The following COL21A1 variants were observed in gnomAD, a reference collection of about 807,000 sequenced individuals.
COL21A1 encodes the protein collagen type XXI alpha 1 chain, also known as collagen alpha-1(XXI) chain.
Under a neutral mutation model 137.9 loss-of-function variants are expected in COL21A1, and 149 were observed. The observed-to-expected ratio is 1.08, with a 90% CI of 0.95 to 1.24. The LOEUF (loss-of-function observed/expected upper bound fraction) is 1.24. Among genes scored for constraint, COL21A1 ranks in the 50% most tolerant of loss-of-function variants. COL21A1 has a pLI of 0.00. For missense variants in COL21A1, 1,167 were observed against 1,158.4 expected (o/e 1.01, Z -0.11); for synonymous variants, 456 against 391.5 (o/e 1.16, Z -1.95).
chr6:56,150,897 G>A (rs1775266177), intron 10 of COL21A1, among the ~76,000 whole-genome samples: 1 of 152,172 alleles, frequency 6.6e-6, no homozygotes, highest in African/African-American at 2.4e-5. Flanking sequence ...TGATCAGCTT[G>A]GGCTTTTGCT....
At chr6:56,060,341 G>C (rs1186743401) in intron 27 of COL21A1, 123 bp from the exon 28 acceptor site, 11 of 794,740 alleles carry the variant, frequency 1.4e-5, no homozygotes, top group Non-Finnish European at 2.2e-5. Flanking sequence ...CATATTTCTT[G>C]GCCAATAATT....
chr6:56,218,059 G>T (rs1780601179), intron 1 of COL21A1, among the ~76,000 whole-genome samples: 1 of 152,050 alleles, frequency 6.6e-6, no homozygotes, highest in African/African-American at 2.4e-5. Context: ...GTCCCTAAAT[G>T]AGAAGATTGC....
rs539057837 is a variant in COL21A1, at chr6:56,234,820, C to T, written c.-39+12567G>A. Among the ~76,000 whole-genome samples the T allele has an allele frequency of 2.0e-5, 3 of 151,902 alleles. No individual in the cohort carries two copies. In the East Asian group the frequency reaches 5.8e-4, roughly 30 times the overall value. On this transcript the variant is annotated intron_variant, in intron 1 of 29. Transcript: ENST00000244728. ...TCATCTCTTAAAAGCTATCCTTTCTCCTGATTGGTCATTTTCTTTTGGCCT... is the reference window on the plus strand; with the variant it reads ...TCATCTCTTAAAAGCTATCCTTTCTTCTGATTGGTCATTTTCTTTTGGCCT...
At chr6:56,306,754 C>A (rs997678674) in intron 1 of COL21A1, among the ~76,000 whole-genome samples, 9 of 72,116 alleles carry the variant, frequency 1.2e-4, no homozygotes, top group African/African-American at 2.9e-4. Flanking sequence ...CTCCATCCAG[C>A]TTTGTTCCGT....
intron 1 of COL21A1, among the ~76,000 whole-genome samples, chr6:56,211,073 A>T (rs1006707431): frequency 6.6e-6 from 1 of 150,414 alleles, no homozygotes; most frequent in Non-Finnish European, 1.5e-5. Flanking sequence ...TATAAGCTTT[A>T]TGTAGAATTC....
rs12202183 is a variant in COL21A1 at position 56,123,924 on chromosome 6, G to A, written c.1758+138C>T. On this transcript the variant is annotated intron_variant, in intron 16 of 29. Transcript: ENST00000244728. ...ATTCAGTAGCATTTTTAAATTACAC[G>A]TAAAAAACCTTTTAGCTCATGAATT... 1.8e-3 allele frequency: 1,247 copies of A among 696,084 alleles called. 3 individuals are homozygous for A. Among genetic ancestry groups the A allele is most frequent in the Non-Finnish European group, 2.5e-3 (1,056 of 430,370 alleles). 43.1% of individuals were successfully genotyped at this position (696,084 alleles called of 1,614,324 possible).
intron 1 of COL21A1, among the ~76,000 whole-genome samples, chr6:56,211,706 A>AT (rs999694339): frequency 1.3e-5 from 2 of 151,918 alleles, no homozygotes; most frequent in African/African-American, 2.4e-5. Flanking sequence ...GATTGTCACC[A>AT]TTTTTTTTAA....
intron 1 of COL21A1, among the ~76,000 whole-genome samples, chr6:56,190,643 A>G (rs187003897): frequency 6.8e-4 from 104 of 152,358 alleles, no homozygotes; most frequent in Middle Eastern, 3.4e-3. Flanking sequence ...ACAAAAAAAG[A>G]AAATTTCAGG....
intron 16 of COL21A1, among the ~76,000 whole-genome samples, chr6:56,118,316 A>C (rs577312469): frequency 2.2e-4 from 33 of 152,144 alleles, no homozygotes; most frequent in African/African-American, 7.7e-4. Context: ...ATATGCCAAT[A>C]AATTGGAAAA....
intron 1 of COL21A1, among the ~76,000 whole-genome samples, chr6:56,324,768 G>A (rs1364011776): frequency 3.9e-5 from 6 of 151,908 alleles, no homozygotes; most frequent in Non-Finnish European, 8.8e-5. Flanking sequence ...TTGAAACTTG[G>A]CACATTGATA....
intron 1 of COL21A1, among the ~76,000 whole-genome samples, chr6:56,222,708 A>G (rs1352076262): frequency 6.6e-6 from 1 of 152,062 alleles, no homozygotes; most frequent in East Asian, 1.9e-4. Context: ...TGTGGCTTTC[A>G]GCCTAGAGGA....
Position 56,098,608 on chromosome 6 carries a change from TATATATAA to T in COL21A1, c.1812+2856_1812+2863del, listed in dbSNP as rs1770027227. 2.9e-3 allele frequency among the ~76,000 whole-genome samples: 30 copies of T among 10,180 alleles called. 5 individuals are homozygous for T. The highest frequency in any genetic ancestry group is 9.9e-3 in the African/African-American group (30 of 3,026). 6.7% of individuals were successfully genotyped at this position (10,180 alleles called of 152,430 possible). A position where few individuals can be genotyped will look rare whatever the true frequency, so the allele number is the denominator to read the frequency against. On this transcript the variant is annotated intron_variant, in intron 17 of 29. Coordinates refer to ENST00000244728, the MANE Select transcript of COL21A1 (RefSeq NM_030820.4). Reference sequence around the variant, plus strand: ...ATAAATATATAAATATATATATAAATATATATAAATATATATAAATATATATATAAATA... The same window carrying T: ...ATAAATATATAAATATATATATAAATATATATATAAATATATATATAAATA...
chr6:56,354,813 C>T (rs914244542), intron 1 of COL21A1, among the ~76,000 whole-genome samples: 1 of 152,100 alleles, frequency 6.6e-6, no homozygotes, highest in Non-Finnish European at 1.5e-5. Context: ...GAACTGTGAT[C>T]GCACCACTGC....
At chr6:56,064,057 G>GC (rs1766029552) in intron 24 of COL21A1, among the ~76,000 whole-genome samples, 1 of 152,094 alleles carries the variant, frequency 6.6e-6, no homozygotes, top group Non-Finnish European at 1.5e-5. Context: ...GTTTAGTCAA[G>GC]AAAGAAGCAA....
rs975965059 is a variant in COL21A1, at chr6:56,160,295, C to A, written c.1372-3346G>T. Among the ~76,000 whole-genome samples, 25 of 152,186 alleles carry A rather than the reference C, an allele frequency of 1.6e-4. 1 individual carries two copies. On this transcript the variant is annotated intron_variant, in intron 9 of 29. Transcript: ENST00000244728. ...TGAGTTAGCGAATTCTCGTAATAAT[C>A]CTATGAAGCAGATACTTTTATTATT...
chr6:56,164,903 C>G, intron 7 of COL21A1, 81 bp from the exon 8 acceptor site: 5 of 1,089,832 alleles, frequency 4.6e-6, no homozygotes, highest in Non-Finnish European at 6.5e-6. Flanking sequence ...AGATATTTCA[C>G]CATCCAGATT....
intron 24 of COL21A1, among the ~76,000 whole-genome samples, chr6:56,062,548 G>A (rs1439365724): frequency 3.9e-5 from 6 of 152,244 alleles, no homozygotes; most frequent in Non-Finnish European, 2.9e-5. Context: ...TAAAAAATCA[G>A]TGTTCTGCAA....
intron 10 of COL21A1, among the ~76,000 whole-genome samples, chr6:56,147,918 T>C (rs143696459): frequency 6.6e-6 from 1 of 152,224 alleles, no homozygotes. Flanking sequence ...CTAGCATCAT[T>C]CTTGAATATC....
intron 1 of COL21A1, among the ~76,000 whole-genome samples, chr6:56,297,077 T>A (rs1764179203): frequency 6.6e-6 from 1 of 152,020 alleles, no homozygotes; most frequent in African/African-American, 2.4e-5. Flanking sequence ...CTTTATTAAA[T>A]TGCCAATCTC....
Sources: allele counts gnomAD v4.1 joint callset (sites outside exome capture counted in the v4.1 genomes callset), GRCh38; gene constraint gnomAD v4.1.1; transcripts MANE v1.5; gene names NCBI Gene and HGNC (gene_info 2026-07-23, HGNC 2026-07-21).